TMEM65: variants seen among roughly 807,000 people sequenced by gnomAD.
The protein encoded by TMEM65 is transmembrane protein 65.
A neutral mutation model predicts 25.4 loss-of-function variants in TMEM65; 22 were observed. That is an observed-to-expected ratio of 0.86 (90% CI 0.62 to 1.23). TMEM65 has a LOEUF of 1.23. Among genes scored for constraint, TMEM65 ranks in the 50% most tolerant of loss-of-function variants. The pLI is 0.00. For missense variants in TMEM65, 262 were observed against 308.2 expected (o/e 0.85, Z 1.12); for synonymous variants, 132 against 126.2 (o/e 1.05, Z -0.31).
At chr8:124,366,977 T>A (rs1230111168) in intron 1 of TMEM65, among the ~76,000 whole-genome samples, 1 of 152,248 alleles carries the variant, frequency 6.6e-6, no homozygotes, top group Non-Finnish European at 1.5e-5. Flanking sequence ...TTCATACTTC[T>A]TATCCACGTC....
intron 1 of TMEM65, among the ~76,000 whole-genome samples, chr8:124,338,959 G>A (rs1814545703): frequency 6.6e-6 from 1 of 151,782 alleles, no homozygotes; most frequent in Non-Finnish European, 1.5e-5. Context: ...GGGAGGCCAA[G>A]GCGGGTGGAT....
intron 1 of TMEM65, among the ~76,000 whole-genome samples, chr8:124,370,038 A>G (rs1445884895): frequency 6.6e-6 from 1 of 152,196 alleles, no homozygotes; most frequent in East Asian, 1.9e-4. Flanking sequence ...TCATATTAGT[A>G]ACATAACTAA....
Position 124,328,983 on chromosome 8 carries a change from G to C in TMEM65, c.350-1562C>G, listed in dbSNP as rs192128639. Reference sequence around the variant, plus strand: ...AGACCACGGGACAATACTATATACAGTATAAGAATACTATTATATTCAATA... The same window carrying C: ...AGACCACGGGACAATACTATATACACTATAAGAATACTATTATATTCAATA... On this transcript the variant is annotated intron_variant, in intron 2 of 6. Transcript: ENST00000297632. Among the ~76,000 whole-genome samples, 1,414 of 151,808 alleles carry C rather than the reference G, an allele frequency of 9.3e-3. 30 individuals are homozygous for C. The highest frequency in any genetic ancestry group is 0.017 in the Middle Eastern group (5 of 294).
rs79268775 is a variant in TMEM65 at position 124,310,461 on chromosome 8, G to C, written c.*3499C>G. ...TACTGCCTAGCAGTTAAGAAGACAG[G>C]CTTCATACTTGGACAAAATAGGATT... On this transcript the variant is annotated 3_prime_UTR_variant, in exon 7 of 7. Coordinates refer to ENST00000297632, the MANE Select transcript of TMEM65 (RefSeq NM_194291.3). 15 of 152,240 alleles carry C rather than the reference G, an allele frequency of 9.9e-5. No homozygotes were observed. The highest frequency in any genetic ancestry group is 1.5e-4 in the Non-Finnish European group (10 of 68,006). 9.4% of individuals were successfully genotyped at this position (152,240 alleles called of 1,614,324 possible). A position where few individuals can be genotyped will look rare whatever the true frequency, so the allele number is the denominator to read the frequency against.
chr8:124,338,037 A>G (rs941680080), intron 1 of TMEM65, among the ~76,000 whole-genome samples: 5 of 151,980 alleles, frequency 3.3e-5, no homozygotes, highest in Non-Finnish European at 7.4e-5. Context: ...AGATTCAGAA[A>G]AGCGAAAAGA....
chr8:124,353,407 G>A (rs1814737765), intron 1 of TMEM65, among the ~76,000 whole-genome samples: 1 of 152,080 alleles, frequency 6.6e-6, no homozygotes, highest in African/African-American at 2.4e-5. Flanking sequence ...TATTAGCTTA[G>A]TATTGAAGAA....
At chr8:124,369,117 A>G (rs1186857847) in intron 1 of TMEM65, among the ~76,000 whole-genome samples, 1 of 152,254 alleles carries the variant, frequency 6.6e-6, no homozygotes, top group Non-Finnish European at 1.5e-5. Context: ...ATGCTCTATC[A>G]GCAGAATATG....
At chr8:124,368,681 G>A (rs1814973106) in intron 1 of TMEM65, among the ~76,000 whole-genome samples, 1 of 152,194 alleles carries the variant, frequency 6.6e-6, no homozygotes, top group African/African-American at 2.4e-5. Context: ...AGGGAATTGA[G>A]ACATCCAGCC....
At chr8:124,334,539 G>T (rs1158150866) in intron 1 of TMEM65, among the ~76,000 whole-genome samples, 1 of 151,908 alleles carries the variant, frequency 6.6e-6, no homozygotes. Flanking sequence ...GCCAAGGTGG[G>T]TGGGTCACAA....
chr8:124,352,325 T>C (rs1388050508), intron 1 of TMEM65, among the ~76,000 whole-genome samples: 1 of 152,088 alleles, frequency 6.6e-6, no homozygotes, highest in Admixed American at 6.6e-5. Flanking sequence ...AAATGAATTA[T>C]TAATGAATTT....
chr8:124,343,134 A>C (rs1814600383), intron 1 of TMEM65, among the ~76,000 whole-genome samples: 1 of 152,192 alleles, frequency 6.6e-6, no homozygotes, highest in Non-Finnish European at 1.5e-5. Flanking sequence ...GACAAGTTGT[A>C]AAACAAATAA....
At chr8:124,334,617 A>G (rs529471319) in intron 1 of TMEM65, among the ~76,000 whole-genome samples, 1 of 151,908 alleles carries the variant, frequency 6.6e-6, no homozygotes, top group East Asian at 1.9e-4. Context: ...TACAAAAATT[A>G]GCCAGGTATG....
chr8:124,353,082 G>A lies in TMEM65; in HGVS notation c.304+18772C>T, dbSNP rs185615955. Among the ~76,000 whole-genome samples the A allele has an allele frequency of 5.2e-3, 798 of 152,036 alleles. 2 individuals are homozygous for A. Among genetic ancestry groups the A allele is most frequent in the Non-Finnish European group, 7.6e-3 (519 of 67,976 alleles). On this transcript the variant is annotated intron_variant, in intron 1 of 6. Coordinates refer to ENST00000297632, the MANE Select transcript of TMEM65 (RefSeq NM_194291.3). ...GCAGAAGTTGTGGTGAGCTGAGGTC[G>A]CACCACTGCACTCCAGCCTAGGTGA...
At chr8:124,365,063 T>C (rs1182646262) in intron 1 of TMEM65, among the ~76,000 whole-genome samples, 3 of 152,222 alleles carry the variant, frequency 2.0e-5, no homozygotes, top group Non-Finnish European at 4.4e-5. Context: ...TGATCTGTAG[T>C]TCCACCTGAC....
intron 5 of TMEM65, among the ~76,000 whole-genome samples, chr8:124,321,018 A>G (rs1354503304): frequency 6.6e-6 from 1 of 152,196 alleles, no homozygotes; most frequent in Non-Finnish European, 1.5e-5. Flanking sequence ...TCTATTAAAT[A>G]TATCAGAAAG....
chr8:124,367,237 G>T (rs967342007), intron 1 of TMEM65, among the ~76,000 whole-genome samples: 1 of 152,134 alleles, frequency 6.6e-6, no homozygotes, highest in African/African-American at 2.4e-5. Flanking sequence ...ACTTTGGAAG[G>T]CTAAGCTCGG....
At chr8:124,315,358 G>A (rs1307486098) in intron 6 of TMEM65, among the ~76,000 whole-genome samples, 1 of 148,882 alleles carries the variant, frequency 6.7e-6, no homozygotes, top group Admixed American at 6.7e-5. Context: ...GTCTCTCTCT[G>A]TGGCCCAGGT....
chr8:124,348,564 G>C lies in TMEM65; in HGVS notation c.305-17772C>G, dbSNP rs117386835. Reference sequence around the variant, plus strand: ...AATTTTTAGTTTAAAAAATCATATAGCTATGGATAATACTGTAGAGAAAAA... The same window carrying C: ...AATTTTTAGTTTAAAAAATCATATACCTATGGATAATACTGTAGAGAAAAA... On this transcript the variant is annotated intron_variant, in intron 1 of 6. Transcript: ENST00000297632. Among the ~76,000 whole-genome samples, 1,218 of 152,128 alleles carry C rather than the reference G, an allele frequency of 8.0e-3. 12 individuals carry two copies. Among genetic ancestry groups the C allele is most frequent in the South Asian group, 0.029 (140 of 4,826 alleles).
In TMEM65 at chr8:124,313,951, C is replaced by T. The variant is rs1273188695; in HGVS notation, c.*9G>A. 6.3e-7 allele frequency: 1 copy of T among 1,587,956 alleles called. No homozygotes were observed. Among genetic ancestry groups the T allele is most frequent in the Admixed American group, 1.7e-5 (1 of 59,608 alleles). ...TAGTTTACATCTTTTTATAGGTATTCTAAGAGGATTAACTTTTCGTTTCCA... is the reference window on the plus strand; with the variant it reads ...TAGTTTACATCTTTTTATAGGTATTTTAAGAGGATTAACTTTTCGTTTCCA... On this transcript the variant is annotated 3_prime_UTR_variant, in exon 7 of 7. Transcript: ENST00000297632.
Sources: allele counts gnomAD v4.1 joint callset (sites outside exome capture counted in the v4.1 genomes callset), GRCh38; gene constraint gnomAD v4.1.1; transcripts MANE v1.5; gene names NCBI Gene and HGNC (gene_info 2026-07-23, HGNC 2026-07-21).